Variants in PPP3CC observed in about 807,000 individuals in gnomAD.
PPP3CC encodes protein phosphatase 3 catalytic subunit gamma, also known as serine/threonine-protein phosphatase 2B catalytic subunit gamma isoform.
In PPP3CC, 35 loss-of-function variants were observed where a neutral mutation model predicts 60.3. The ratio of observed to expected loss-of-function variants is 0.58; its 90% CI spans 0.44 to 0.77. The LOEUF (loss-of-function observed/expected upper bound fraction) is 0.77, where lower values mean the gene tolerates loss of function less well. Among genes scored for constraint, PPP3CC ranks in the 30% least tolerant of loss-of-function variants. The probability of loss-of-function intolerance (pLI) is 0.00; values close to 1 mark genes in which losing one functional copy is unlikely to be tolerated. For synonymous variants in PPP3CC, 206 were observed against 224.3 expected (o/e 0.92, Z 0.73); for missense variants, 570 against 628.9 (o/e 0.91, Z 1.00).
Position 22,475,297 on chromosome 8 carries a change from T to C in PPP3CC, c.247+146T>C, listed in dbSNP as rs1586811309. The stretch of plus-strand genomic sequence containing the variant: ...AGTCAGGATTGGTTAGGATATTTGT[T>C]GTTAATTGAAGAAATACAATTTTAA... On this transcript the variant is annotated intron_variant, in intron 2 of 13. Coordinates refer to ENST00000240139, the MANE Select transcript of PPP3CC (RefSeq NM_005605.5). The C allele has an allele frequency of 2.2e-5, 22 of 989,288 alleles. No individual in the cohort carries two copies. The East Asian group carries it at 5.4e-4, about 24-fold the overall frequency. 61.3% of individuals were successfully genotyped at this position (989,288 alleles called of 1,614,324 possible).
chr8:22,523,853 C>T (rs1013612763), intron 8 of PPP3CC: 1 of 190,798 alleles, frequency 5.2e-6, no homozygotes, highest in Non-Finnish European at 1.1e-5. Flanking sequence ...GATACAGTGG[C>T]TCTGGAGGCA....
intron 12 of PPP3CC, among the ~76,000 whole-genome samples, chr8:22,537,381 G>T (rs931382826): frequency 2.0e-5 from 3 of 152,186 alleles, no homozygotes; most frequent in African/African-American, 4.8e-5. Context: ...CAGTAGGATG[G>T]CTGTGAAAAG....
intron 4 of PPP3CC, among the ~76,000 whole-genome samples, chr8:22,499,163 G>A (rs575864413): frequency 6.6e-6 from 1 of 151,240 alleles, no homozygotes; most frequent in Admixed American, 6.6e-5. Flanking sequence ...AAACAGGCCG[G>A]GCGCGGTGGC....
Position 22,511,185 on chromosome 8 carries a change from A to G in PPP3CC, c.584A>G (p.His195Arg), listed in dbSNP as rs1355772852. 4 of 1,613,748 alleles carry G rather than the reference A, an allele frequency of 2.5e-6. No individual in the cohort carries two copies. Among genetic ancestry groups the G allele is most frequent in the Admixed American group, 1.7e-5 (1 of 60,016 alleles). ...ALLNQQFLCV[H>R]GGMSPEITSL... ...TTAAACCAGCAGTTTCTCTGTGTAC[A>G]TGGAGGAATGTCACCTGAAATTACT... is the stretch of plus-strand genomic sequence containing the variant. Residue 195 changes from histidine to arginine, a missense_variant, in exon 5 of 14, where the codon CAT (histidine) becomes CGT (arginine). Transcript: ENST00000240139.
chr8:22,530,203 GTTC>G (rs369018968), intron 10 of PPP3CC, among the ~76,000 whole-genome samples: 41 of 152,304 alleles, frequency 2.7e-4, no homozygotes, highest in African/African-American at 9.6e-4. Flanking sequence ...CAAGGAACCA[GTTC>G]TTCTTGAGGA....
At chr8:22,442,520 C>T (rs1414749086) in intron 1 of PPP3CC, among the ~76,000 whole-genome samples, 1 of 152,066 alleles carries the variant, frequency 6.6e-6, no homozygotes, top group Non-Finnish European at 1.5e-5. Flanking sequence ...AGGTTTCCCC[C>T]CTCTCTCCCC....
chr8:22,483,055 C>A (rs1221146560), intron 3 of PPP3CC, among the ~76,000 whole-genome samples: 2 of 152,108 alleles, frequency 1.3e-5, no homozygotes, highest in Non-Finnish European at 2.9e-5. Context: ...TGAAGGACAG[C>A]AGAATTTGAA....
At chr8:22,507,544 G>A (rs1024920827) in intron 4 of PPP3CC, among the ~76,000 whole-genome samples, 3 of 152,140 alleles carry the variant, frequency 2.0e-5, no homozygotes, top group Admixed American at 2.0e-4. Flanking sequence ...CCAGTTACTT[G>A]CTTGCAGCTT....
At chr8:22,473,758 A>T (rs1390249100) in intron 1 of PPP3CC, among the ~76,000 whole-genome samples, 2 of 151,242 alleles carry the variant, frequency 1.3e-5, no homozygotes, top group African/African-American at 4.9e-5. Context: ...GCCACACCAC[A>T]CCCGGCCCCT....
chr8:22,475,158 A>G lies in PPP3CC; in HGVS notation c.247+7A>G. On this transcript the variant is annotated splice_region_variant and intron_variant, in intron 2 of 13. Coordinates refer to ENST00000240139, the MANE Select transcript of PPP3CC (RefSeq NM_005605.5). The stretch of plus-strand genomic sequence containing the variant: ...GTAGATGCTCCAATCACAGGTATAA[A>G]AAGTCTTTGCATGATACTTTTTTAC... The G allele has an allele frequency of 1.2e-6, 2 of 1,605,484 alleles. No individual in the cohort carries two copies. The highest frequency in any genetic ancestry group is 1.7e-6 in the Non-Finnish European group (2 of 1,174,126).
intron 1 of PPP3CC, among the ~76,000 whole-genome samples, chr8:22,457,302 C>G (rs1347231163): frequency 1.3e-5 from 2 of 150,842 alleles, no homozygotes; most frequent in Admixed American, 6.7e-5. Context: ...TCTGAAAGAC[C>G]CAGCCCAAGT....
intron 1 of PPP3CC, among the ~76,000 whole-genome samples, chr8:22,452,980 G>A (rs1837081337): frequency 2.6e-5 from 4 of 152,140 alleles, no homozygotes; most frequent in Admixed American, 1.3e-4. Flanking sequence ...CTTAACACAC[G>A]CTTAGGTGCT....
At chr8:22,499,447 AAAAAAAAAAG>A (rs1265170574) in intron 4 of PPP3CC, among the ~76,000 whole-genome samples, 1 of 151,026 alleles carries the variant, frequency 6.6e-6, no homozygotes, top group Non-Finnish European at 1.5e-5. Flanking sequence ...CTCCGTCTCA[AAAAAAAAAAG>A]AAAAAAAAAA....
chr8:22,540,575 C>G, intron 13 of PPP3CC, 40 bp from the exon 14 acceptor site: 1 of 1,576,324 alleles, frequency 6.3e-7, no homozygotes, highest in Non-Finnish European at 8.6e-7. Flanking sequence ...GCTTTGCTGC[C>G]TAATTGAGCT....
chr8:22,493,604 C>T (rs1181423352), intron 3 of PPP3CC, among the ~76,000 whole-genome samples: 3 of 152,028 alleles, frequency 2.0e-5, no homozygotes, highest in Non-Finnish European at 2.9e-5. Flanking sequence ...CGTGCGCACG[C>T]ATCTAGGCCT....
At chr8:22,521,510 G>A (rs1180182357) in intron 6 of PPP3CC, among the ~76,000 whole-genome samples, 4 of 152,108 alleles carry the variant, frequency 2.6e-5, no homozygotes, top group African/African-American at 9.7e-5. Flanking sequence ...CTCCACCAAG[G>A]TTTCATAACC....
At chr8:22,517,318 C>A (rs1480155829) in intron 6 of PPP3CC, among the ~76,000 whole-genome samples, 1 of 152,198 alleles carries the variant, frequency 6.6e-6, no homozygotes, top group Non-Finnish European at 1.5e-5. Flanking sequence ...GAGATACTCA[C>A]CTGTACTTTT....
At chr8:22,502,483 G>A (rs1052426749) in intron 4 of PPP3CC, among the ~76,000 whole-genome samples, 2 of 152,092 alleles carry the variant, frequency 1.3e-5, no homozygotes, top group Non-Finnish European at 2.9e-5. Context: ...CCAGGAGTTC[G>A]AGACTAACAT....
At chr8:22,518,240 A>T (rs1011149994) in intron 6 of PPP3CC, among the ~76,000 whole-genome samples, 26 of 151,910 alleles carry the variant, frequency 1.7e-4, no homozygotes, top group Non-Finnish European at 3.8e-4. Context: ...TGTTTTTAAA[A>T]TTTTTAGAGG....
Sources: allele counts gnomAD v4.1 joint callset (sites outside exome capture counted in the v4.1 genomes callset), GRCh38; gene constraint gnomAD v4.1.1; transcripts MANE v1.5; gene names NCBI Gene and HGNC (gene_info 2026-07-23, HGNC 2026-07-21).